Variants in KLHL8 observed in about 807,000 individuals in gnomAD.
KLHL8 encodes kelch like family member 8, also known as kelch-like protein 8.
KLHL8 carries 38 observed loss-of-function variants against 63.5 expected under a neutral mutation model. The ratio of observed to expected loss-of-function variants is 0.60; its 90% confidence interval spans 0.46 to 0.78. The LOEUF (loss-of-function observed/expected upper bound fraction) is 0.78, where lower values mean the gene tolerates loss of function less well. Ranked by LOEUF, KLHL8 falls within the 30% of genes least tolerant of loss-of-function variation. The pLI is 0.00. For missense variants in KLHL8, 566 were observed against 752.4 expected (o/e 0.75, Z 2.90); for synonymous variants, 224 against 254.3 (o/e 0.88, Z 1.13).
At chr4:87,222,744 C>T (rs1276581117), upstream of KLHL8, among the ~76,000 whole-genome samples, 4 of 151,900 alleles carry the variant, frequency 2.6e-5, no homozygotes, top group African/African-American at 4.8e-5. Context: ...CCACCACGCC[C>T]GGCTAATTTT....
Position 87,185,241 on chromosome 4 carries a change from C to A in KLHL8, c.765+10G>T. 1 of 1,587,104 alleles carries A rather than the reference C, an allele frequency of 6.3e-7. No homozygotes were observed. Among genetic ancestry groups the A allele is most frequent in the South Asian group, 1.1e-5 (1 of 87,530 alleles). On this transcript the variant is annotated intron_variant, in intron 3 of 9. Coordinates refer to ENST00000273963, the MANE Select transcript of KLHL8 (RefSeq NM_020803.5). ...TTCATTTCTGTGTGAAATCTTATTT[C>A]AGCTCCTACCTGTGCAAGTGTTTCA... is the stretch of plus-strand genomic sequence containing the variant.
intron 2 of KLHL8, among the ~76,000 whole-genome samples, chr4:87,186,096 C>T (rs1032491373): frequency 6.7e-5 from 10 of 150,348 alleles, no homozygotes; most frequent in South Asian, 2.1e-4. Flanking sequence ...TGGAGAGCAG[C>T]GGCGCAATCT....
rs186447424 is a variant in KLHL8, at chr4:87,164,412, C to T, written c.1538-333G>A. 3.9e-5 allele frequency among the ~76,000 whole-genome samples: 6 copies of T among 151,984 alleles called. No individual in the cohort carries two copies. In the East Asian group the frequency reaches 7.7e-4, roughly 20 times the overall value. On this transcript the variant is annotated intron_variant, in intron 8 of 9. Transcript: ENST00000273963. ...AAACATTCATAAATTTGTCCTTAGC[C>T]GTCTAGAGACAAGCAAGACAGTACT...
At chr4:87,171,909 C>A (rs1237293298) in intron 6 of KLHL8, among the ~76,000 whole-genome samples, 1 of 152,140 alleles carries the variant, frequency 6.6e-6, no homozygotes, top group Non-Finnish European at 1.5e-5. Flanking sequence ...CAGACATATA[C>A]CCAATTTCTA....
chr4:87,183,121 A>G, intron 4 of KLHL8, 82 bp downstream of exon 4: 1 of 942,020 alleles, frequency 1.1e-6, no homozygotes, highest in South Asian at 2.1e-5. Context: ...TAATTATATT[A>G]CAACTAAGTT....
At chr4:87,189,300 G>C (rs1731384898) in intron 2 of KLHL8, among the ~76,000 whole-genome samples, 2 of 152,124 alleles carry the variant, frequency 1.3e-5, no homozygotes, top group Admixed American at 6.5e-5. Context: ...GAAACTTTTA[G>C]GCCAAGTTTA....
At chr4:87,175,887 A>G (rs1730799841) in intron 6 of KLHL8, among the ~76,000 whole-genome samples, 1 of 152,192 alleles carries the variant, frequency 6.6e-6, no homozygotes, top group South Asian at 2.1e-4. Context: ...TGATAAAAAT[A>G]TAGATACCTT....
At position 87,163,303 on chromosome 4, in the gene KLHL8, C is replaced by G; in HGVS notation, c.*216G>C. ...AAGTTCGACTATCTTCTTCCCTACTCCATTATTTGCAAAAGCAGGAAGTAT... is the reference window on the plus strand; with the variant it reads ...AAGTTCGACTATCTTCTTCCCTACTGCATTATTTGCAAAAGCAGGAAGTAT... On this transcript the variant is annotated 3_prime_UTR_variant, in exon 10 of 10. Transcript: ENST00000273963. 2.5e-6 allele frequency: 1 copy of G among 401,854 alleles called. No homozygotes were observed. The highest frequency in any genetic ancestry group is 4.4e-6 in the Non-Finnish European group (1 of 228,390). The allele number at this position is 401,854 out of a possible 1,614,324, so 24.9% of individuals were successfully genotyped here.
chr4:87,197,385 G>A (rs903170428), intron 1 of KLHL8, among the ~76,000 whole-genome samples: 1 of 152,144 alleles, frequency 6.6e-6, no homozygotes, highest in African/African-American at 2.4e-5. Context: ...CCTGAGAGAG[G>A]CTTTCACCTG....
At chr4:87,189,753 G>A (rs188044520) in intron 2 of KLHL8, among the ~76,000 whole-genome samples, 8 of 152,116 alleles carry the variant, frequency 5.3e-5, no homozygotes, top group Admixed American at 2.6e-4. Flanking sequence ...AAGGCCGGGC[G>A]CAGCTCACGC....
intron 4 of KLHL8, among the ~76,000 whole-genome samples, chr4:87,180,850 A>G (rs6531953): frequency 0.95 from 145,140 of 152,058 alleles, 69,618 homozygotes; most frequent in East Asian, 1. Flanking sequence ...TGAGACCAGC[A>G]TGGGCAATAT....
At chr4:87,177,835 A>G (rs528688460) in intron 5 of KLHL8, among the ~76,000 whole-genome samples, 27 of 152,046 alleles carry the variant, frequency 1.8e-4, no homozygotes, top group Middle Eastern at 3.2e-3. Flanking sequence ...TTGAACTCCC[A>G]GGCTCAAATG....
In KLHL8 at chr4:87,162,255, T is replaced by C. The variant is rs1730202305; in HGVS notation, c.*1264A>G. ...AATATTTTCATGTTCTTGATAAATATTTATAAAAAAATATACATATAATGA... is the reference window on the plus strand; with the variant it reads ...AATATTTTCATGTTCTTGATAAATACTTATAAAAAAATATACATATAATGA... On this transcript the variant is annotated 3_prime_UTR_variant, in exon 10 of 10. Transcript: ENST00000273963. The C allele has an allele frequency of 6.6e-6, 1 of 152,208 alleles. No homozygotes were observed. Among genetic ancestry groups the C allele is most frequent in the Admixed American group, 6.5e-5 (1 of 15,280 alleles). 9.4% of individuals were successfully genotyped at this position (152,208 alleles called of 1,614,324 possible).
At chr4:87,178,012 T>C (rs1210321784) in intron 5 of KLHL8, among the ~76,000 whole-genome samples, 1 of 152,326 alleles carries the variant, frequency 6.6e-6, no homozygotes, top group Non-Finnish European at 1.5e-5. Context: ...TTTATGAAAA[T>C]GTTTTTATAT....
intron 1 of KLHL8, chr4:87,219,968 C>G (rs1732759054): frequency 6.6e-6 from 1 of 152,180 alleles, no homozygotes; most frequent in Non-Finnish European, 1.5e-5. Context: ...GTCCGGCCGC[C>G]CTCCCGGGGC....
At chr4:87,169,993 T>C (rs1730574436) in intron 8 of KLHL8, 86 bp downstream of exon 8, 1 of 1,061,740 alleles carries the variant, frequency 9.4e-7, no homozygotes, top group Middle Eastern at 2.1e-4. Context: ...TACTTAAGGC[T>C]AAATGCAATG....
intron 8 of KLHL8, among the ~76,000 whole-genome samples, chr4:87,169,168 G>A (rs771741650): frequency 8.5e-5 from 13 of 152,146 alleles, no homozygotes; most frequent in South Asian, 2.1e-4. Flanking sequence ...AGCTGGGCAC[G>A]GTAGCACACA....
chr4:87,205,136 A>G (rs1732071223), intron 1 of KLHL8, among the ~76,000 whole-genome samples: 1 of 152,208 alleles, frequency 6.6e-6, no homozygotes, highest in African/African-American at 2.4e-5. Context: ...GCCAGACACA[A>G]TGGCACATGC....
chr4:87,162,013 T>C lies in KLHL8; in HGVS notation c.*1506A>G, dbSNP rs1730194625. On this transcript the variant is annotated 3_prime_UTR_variant, in exon 10 of 10. Transcript: ENST00000273963. ...TTTGTGATGTGGCTTTCCACACTAT[T>C]GTAGAAGTCCAGAATCCCATTTAAT... 1 of 152,174 alleles carries C rather than the reference T, an allele frequency of 6.6e-6. No individual in the cohort carries two copies. Among genetic ancestry groups the C allele is most frequent in the African/African-American group, 2.4e-5 (1 of 41,420 alleles). The allele number at this position is 152,174 out of a possible 1,614,324, so 9.4% of individuals were successfully genotyped here. A position where few individuals can be genotyped will look rare whatever the true frequency, so the allele number is the denominator to read the frequency against.
Sources: allele counts gnomAD v4.1 joint callset (sites outside exome capture counted in the v4.1 genomes callset), GRCh38; gene constraint gnomAD v4.1.1; transcripts MANE v1.5; gene names NCBI Gene and HGNC (gene_info 2026-07-23, HGNC 2026-07-21).